Variants in STARD13 observed in about 807,000 individuals in gnomAD.
The protein encoded by STARD13 is StAR related lipid transfer domain containing 13, also known as stAR-related lipid transfer protein 13.
A neutral mutation model predicts 106.4 loss-of-function variants in STARD13; 62 were observed. The observed-to-expected ratio is 0.58, with a 90% CI of 0.48 to 0.72. The LOEUF (loss-of-function observed/expected upper bound fraction) is 0.72. STARD13 is among the 30% of genes least tolerant of loss of function. The pLI, the probability that STARD13 is intolerant of heterozygous loss-of-function variation, is 0.00. For missense variants in STARD13, 1,387 were observed against 1,424.0 expected (o/e 0.97, Z 0.42); for synonymous variants, 565 against 553.0 (o/e 1.02, Z -0.31).
intron 1 of STARD13, among the ~76,000 whole-genome samples, chr13:33,242,292 A>G (rs574567443): frequency 6.6e-6 from 1 of 152,320 alleles, no homozygotes; most frequent in Non-Finnish European, 1.5e-5. Context: ...TGACGAGGGC[A>G]GTTTTGTCAA....
intron 1 of STARD13, among the ~76,000 whole-genome samples, chr13:33,328,546 G>T (rs528226097): frequency 6.6e-6 from 1 of 152,356 alleles, no homozygotes; most frequent in South Asian, 2.1e-4. Flanking sequence ...CAGAGTGCAG[G>T]AAATGCATTT....
chr13:33,277,048 GA>G (rs60224228), intron 1 of STARD13, among the ~76,000 whole-genome samples: 1 of 57,784 alleles, frequency 1.7e-5, no homozygotes, highest in African/African-American at 3.4e-5. Flanking sequence ...CTAAGCTTCT[GA>G]AAAAAAAAAA....
At chr13:33,621,369 T>C in the STARD13 span, among the ~76,000 whole-genome samples, 1 of 151,928 alleles carries the variant, frequency 6.6e-6, no homozygotes, top group African/African-American at 2.4e-5. Flanking sequence ...CTCATCTTAA[T>C]AAAACACTAA....
chr13:33,402,892 C>T, the STARD13 span, among the ~76,000 whole-genome samples: 1 of 152,254 alleles, frequency 6.6e-6, no homozygotes, highest in Non-Finnish European at 1.5e-5. Context: ...AGAGCCACTT[C>T]CACCACTCAA....
At chr13:33,507,815 C>CAT in the STARD13 span, among the ~76,000 whole-genome samples, 1 of 151,986 alleles carries the variant, frequency 6.6e-6, no homozygotes, top group Non-Finnish European at 1.5e-5. Flanking sequence ...TTAAGAAAAT[C>CAT]ATACGGAAGA....
chr13:33,365,588 T>C, the STARD13 span, among the ~76,000 whole-genome samples: 2 of 152,132 alleles, frequency 1.3e-5, no homozygotes, highest in Non-Finnish European at 2.9e-5. Flanking sequence ...CACAAGATTA[T>C]CTAGAAGATA....
chr13:33,608,767 T>A, the STARD13 span, among the ~76,000 whole-genome samples: 4 of 152,096 alleles, frequency 2.6e-5, no homozygotes, highest in Non-Finnish European at 1.5e-5. Context: ...CATGGAGAAA[T>A]CTTCATAGAA....
the STARD13 span, among the ~76,000 whole-genome samples, chr13:33,518,315 G>A: frequency 6.6e-6 from 1 of 152,008 alleles, no homozygotes; most frequent in Non-Finnish European, 1.5e-5. Flanking sequence ...TTTATCCATC[G>A]AATTGCCCTT....
intron 10 of STARD13, among the ~76,000 whole-genome samples, chr13:33,111,456 C>A (rs1874552772): frequency 1.3e-5 from 2 of 152,336 alleles, no homozygotes; most frequent in South Asian, 4.1e-4. Context: ...CACACACTCA[C>A]ACAGATGTTT....
the STARD13 span, among the ~76,000 whole-genome samples, chr13:33,622,455 T>C: frequency 3.3e-5 from 5 of 151,296 alleles, no homozygotes; most frequent in Non-Finnish European, 7.4e-5. Context: ...CTGGCCAACA[T>C]GTCGAAGCCC....
the STARD13 span, among the ~76,000 whole-genome samples, chr13:33,673,753 G>A: frequency 6.6e-6 from 1 of 151,922 alleles, no homozygotes; most frequent in Non-Finnish European, 1.5e-5. Flanking sequence ...ATGTTAGCCA[G>A]GATGGTCATC....
chr13:33,436,486 AT>A, the STARD13 span, among the ~76,000 whole-genome samples: 3 of 152,212 alleles, frequency 2.0e-5, no homozygotes, highest in African/African-American at 7.2e-5. Flanking sequence ...GTATGTGTAT[AT>A]TTAGGTATAT....
chr13:33,427,830 C>T, the STARD13 span, among the ~76,000 whole-genome samples: 3 of 151,972 alleles, frequency 2.0e-5, no homozygotes, highest in African/African-American at 7.3e-5. Flanking sequence ...TGATGCATGC[C>T]TGTAATCCTA....
the STARD13 span, among the ~76,000 whole-genome samples, chr13:33,456,722 C>A: frequency 6.6e-6 from 1 of 152,124 alleles, no homozygotes; most frequent in East Asian, 1.9e-4. Context: ...AAAGACACAC[C>A]AGAAAGCTAC....
downstream of STARD13, among the ~76,000 whole-genome samples, chr13:33,344,965 A>T (rs552371241): frequency 1.4e-4 from 22 of 152,370 alleles, 4 homozygotes; most frequent in South Asian, 4.3e-3. Context: ...CTGCTTACAA[A>T]CACCAAAAGC....
the STARD13 span, chr13:33,524,317 C>T: frequency 1.6e-6 from 2 of 1,246,578 alleles, no homozygotes; most frequent in Non-Finnish European, 2.1e-6. Flanking sequence ...TTTAGTTCTA[C>T]AAATTCCTTT....
the STARD13 span, among the ~76,000 whole-genome samples, chr13:33,475,288 C>T: frequency 2.0e-5 from 3 of 152,002 alleles, no homozygotes; most frequent in Non-Finnish European, 2.9e-5. Flanking sequence ...ATATATAATT[C>T]TGTATGTAAA....
chr13:33,648,783 CTTTTTTT>C, the STARD13 span, among the ~76,000 whole-genome samples: 17 of 76,984 alleles, frequency 2.2e-4, no homozygotes, highest in East Asian at 4.1e-4. Flanking sequence ...TTTTCTCTTT[CTTTTTTT>C]TTTTTTTTTT....
At position 33,112,692 on chromosome 13, in the gene STARD13, T is replaced by C. The variant is rs1452648631; in HGVS notation, c.2492+29A>G. ...ACTGTGGGAATGCCTGCTTTGGGATTACTGTTGTTACTGAGAAAAAAAACC... is the reference window on the plus strand; with the variant it reads ...ACTGTGGGAATGCCTGCTTTGGGATCACTGTTGTTACTGAGAAAAAAAACC... On this transcript the variant is annotated intron_variant, in intron 9 of 13. Transcript: ENST00000336934. 2.6e-6 allele frequency: 4 copies of C among 1,530,634 alleles called. No individual in the cohort carries two copies. In the African/African-American group the frequency reaches 5.6e-5, roughly 21 times the overall value. The allele number at this position is 1,530,634 out of a possible 1,614,324, so 94.8% of individuals were successfully genotyped here. A position where few individuals can be genotyped will look rare whatever the true frequency, so the allele number is the denominator to read the frequency against.
Sources: gnomAD v4.1 joint callset for allele counts (sites outside exome capture counted in the v4.1 genomes callset) on GRCh38, gnomAD v4.1.1 for gene constraint, MANE v1.5 for transcripts, NCBI Gene and HGNC (gene_info 2026-07-23, HGNC 2026-07-21) for gene names.